The following ZSWIM5 variants were observed in gnomAD, a reference collection of about 807,000 sequenced individuals.
ZSWIM5 encodes zinc finger SWIM domain-containing protein 5.
In ZSWIM5, 55 loss-of-function variants were observed where a neutral mutation model predicts 119.6. The observed-to-expected ratio is 0.46, with a 90% CI of 0.37 to 0.58. The LOEUF is 0.58. ZSWIM5 is among the 20% of genes least tolerant of loss of function. The pLI is 0.00. For synonymous variants in ZSWIM5, 537 were observed against 606.9 expected (o/e 0.88, Z 1.69); for missense variants, 1,193 against 1,512.8 (o/e 0.79, Z 3.51).
Position 45,205,963 on chromosome 1 carries a change from C to A in ZSWIM5, c.388G>T (p.Ala130Ser). The part of the protein sequence containing the change: ...GPGAGAAGGA[A>S]GASPAEEGPQ... ...CCCTCCTCGGCCGGCGAAGCCCCCG[C>A]GGCGCCGCCAGCAGCGCCGGCGCCG... The change falls in exon 1 of 14, where the codon GCG becomes TCG. Residue 130 changes from alanine to serine, a missense_variant. Ala to Ser is a moderately conservative substitution (Grantham distance 99). Coordinates refer to ENST00000359600, the MANE Select transcript of ZSWIM5 (RefSeq NM_020883.2). 7.4e-7 allele frequency: 1 copy of A among 1,344,648 alleles called. No homozygotes were observed. Among genetic ancestry groups the A allele is most frequent in the South Asian group, 2.1e-5 (1 of 48,440 alleles). The allele number at this position is 1,344,648 out of a possible 1,614,324, so 83.3% of individuals were successfully genotyped here. A position where few individuals can be genotyped will look rare whatever the true frequency, so the allele number is the denominator to read the frequency against.
intron 1 of ZSWIM5, among the ~76,000 whole-genome samples, chr1:45,117,624 TTA>T (rs1167321660): frequency 6.6e-6 from 1 of 152,180 alleles, no homozygotes; most frequent in Non-Finnish European, 1.5e-5. Context: ...GTGAGCCATA[TTA>T]TGCCACTGCA....
chr1:45,086,446 C>T (rs1645330347), intron 2 of ZSWIM5, among the ~76,000 whole-genome samples: 1 of 152,156 alleles, frequency 6.6e-6, no homozygotes, highest in Non-Finnish European at 1.5e-5. Context: ...TTATAAATAA[C>T]TTCCTTATTT....
At chr1:45,100,181 A>T (rs1450116828) in intron 1 of ZSWIM5, among the ~76,000 whole-genome samples, 1 of 152,242 alleles carries the variant, frequency 6.6e-6, no homozygotes, top group Non-Finnish European at 1.5e-5. Context: ...TCTTAAGCTG[A>T]TAAGCAATGT....
intron 1 of ZSWIM5, among the ~76,000 whole-genome samples, chr1:45,104,440 A>C (rs1263041665): frequency 1.3e-5 from 2 of 152,202 alleles, no homozygotes; most frequent in South Asian, 4.1e-4. Context: ...AATAGACATA[A>C]TACTACTTAG....
At chr1:45,181,364 C>T (rs1384303420) in intron 1 of ZSWIM5, among the ~76,000 whole-genome samples, 5 of 151,526 alleles carry the variant, frequency 3.3e-5, no homozygotes, top group Admixed American at 1.3e-4. Context: ...TGAAATGAAG[C>T]GAGAAGGGAA....
chr1:45,175,117 T>C (rs1645971770), intron 1 of ZSWIM5, among the ~76,000 whole-genome samples: 1 of 152,168 alleles, frequency 6.6e-6, no homozygotes, highest in Non-Finnish European at 1.5e-5. Context: ...CTTAACTTTC[T>C]GACTTCTGAT....
chr1:45,077,804 C>T (rs898978257), intron 2 of ZSWIM5, among the ~76,000 whole-genome samples: 2 of 152,162 alleles, frequency 1.3e-5, no homozygotes, highest in African/African-American at 4.8e-5. Context: ...TTCTCAGGGA[C>T]GTTCCATGCT....
intron 1 of ZSWIM5, among the ~76,000 whole-genome samples, chr1:45,094,956 C>T (rs977385176): frequency 1.1e-4 from 17 of 152,010 alleles, no homozygotes; most frequent in African/African-American, 3.4e-4. Context: ...AGACAAATTT[C>T]TTTAACCTAC....
intron 7 of ZSWIM5, 39 bp from the exon 8 acceptor site, chr1:45,039,112 G>A (rs1645003431): frequency 1.9e-6 from 3 of 1,609,756 alleles, no homozygotes; most frequent in Non-Finnish European, 2.5e-6. Context: ...CAGTGATAGA[G>A]ACAAACTGCT....
intron 1 of ZSWIM5, among the ~76,000 whole-genome samples, chr1:45,094,284 G>A (rs912621101): frequency 1.3e-5 from 2 of 151,918 alleles, no homozygotes; most frequent in African/African-American, 4.8e-5. Context: ...TCGATCTCCT[G>A]ACTTCGTGAT....
intron 1 of ZSWIM5, among the ~76,000 whole-genome samples, chr1:45,193,325 C>T (rs946493233): frequency 3.9e-5 from 6 of 152,106 alleles, no homozygotes; most frequent in African/African-American, 1.2e-4. Flanking sequence ...TACATCATAT[C>T]ATGCTATCTT....
chr1:45,091,668 AAAAC>A (rs941862843), intron 1 of ZSWIM5, among the ~76,000 whole-genome samples: 19 of 152,218 alleles, frequency 1.2e-4, no homozygotes, highest in Admixed American at 7.9e-4. Context: ...TCTCAAAATA[AAAAC>A]AAACAAACAA....
At chr1:45,171,663 A>T (rs1221408726) in intron 1 of ZSWIM5, among the ~76,000 whole-genome samples, 8 of 152,134 alleles carry the variant, frequency 5.3e-5, no homozygotes. Flanking sequence ...ATTATAAAGA[A>T]ATAAAGCACT....
intron 1 of ZSWIM5, among the ~76,000 whole-genome samples, chr1:45,095,928 C>T (rs1362713284): frequency 6.6e-6 from 1 of 152,094 alleles, no homozygotes; most frequent in Non-Finnish European, 1.5e-5. Context: ...GTGCCTGGAA[C>T]CTGGTAGGCT....
chr1:45,091,659 C>T (rs1645364931), intron 1 of ZSWIM5, among the ~76,000 whole-genome samples: 1 of 152,056 alleles, frequency 6.6e-6, no homozygotes, highest in Non-Finnish European at 1.5e-5. Context: ...AAGATTCTGT[C>T]TCAAAATAAA....
chr1:45,098,021 T>C (rs531710303), intron 1 of ZSWIM5, among the ~76,000 whole-genome samples: 1 of 152,068 alleles, frequency 6.6e-6, no homozygotes, highest in Non-Finnish European at 1.5e-5. Context: ...GTAGAATAAG[T>C]AGGAATTAAT....
At chr1:45,138,875 C>T (rs1333809847) in intron 1 of ZSWIM5, among the ~76,000 whole-genome samples, 2 of 151,272 alleles carry the variant, frequency 1.3e-5, no homozygotes, top group South Asian at 2.1e-4. Context: ...GTAGAAATTT[C>T]GTTTTTCTTT....
Position 45,019,444 on chromosome 1 carries a change from T to TA in ZSWIM5, c.2696-129dup, listed in dbSNP as rs1644874557. On this transcript the variant is annotated intron_variant, in intron 13 of 13. Transcript: ENST00000359600. The surrounding 1 kb of genome is among the most constrained non-coding windows in gnomAD (Gnocchi z 5.0). ...TTCCTCCTCAGCAACCTTGAGATGATATGAGGCAAACCAGGGCAAGGGGAG... is the reference window on the plus strand; with the variant it reads ...TTCCTCCTCAGCAACCTTGAGATGATAATGAGGCAAACCAGGGCAAGGGGAG... 2.3e-6 allele frequency: 3 copies of TA among 1,302,056 alleles called. No homozygotes were observed. The South Asian group carries it at 4.5e-5, about 19-fold the overall frequency. The allele number at this position is 1,302,056 out of a possible 1,614,324, so 80.7% of individuals were successfully genotyped here. A position where few individuals can be genotyped will look rare whatever the true frequency, so the allele number is the denominator to read the frequency against.
At chr1:45,147,759 T>C (rs1570150846) in intron 1 of ZSWIM5, among the ~76,000 whole-genome samples, 1 of 152,172 alleles carries the variant, frequency 6.6e-6, no homozygotes, top group Non-Finnish European at 1.5e-5. Context: ...ACAAGATCCA[T>C]GCCAAACCCC....
Sources: allele counts gnomAD v4.1 joint callset (sites outside exome capture counted in the v4.1 genomes callset), GRCh38; gene constraint gnomAD v4.1.1; non-coding constraint Gnocchi (gnomAD v3.1); transcripts MANE v1.5; gene names NCBI Gene and HGNC (gene_info 2026-07-23, HGNC 2026-07-21).